The following ZYG11B variants were observed in gnomAD, a reference collection of about 807,000 sequenced individuals.
The protein encoded by ZYG11B is zyg-11 family member B, cell cycle regulator.
In ZYG11B, 36 loss-of-function variants were observed where a neutral mutation model predicts 82.4. The observed-to-expected ratio is 0.44, with a 90% confidence interval of 0.33 to 0.58. ZYG11B has a LOEUF of 0.58. ZYG11B is among the 20% of genes least tolerant of loss of function. ZYG11B has a pLI of 0.02. For synonymous variants in ZYG11B, 303 were observed against 312.8 expected, an observed-to-expected ratio of 0.97 and a Z score of 0.33; for missense variants, 552 against 895.6, an observed-to-expected ratio of 0.62 and a Z score of 4.90.
chr1:52,737,097 G>A (rs989796755), intron 1 of ZYG11B, among the ~76,000 whole-genome samples: 6 of 151,464 alleles, frequency 4.0e-5, no homozygotes, highest in African/African-American at 1.5e-4. Context: ...AGCCAGGCTG[G>A]TCTCTAACTC....
At position 52,726,472 on chromosome 1, in the gene ZYG11B, G is replaced by GGGCTGC. The variant is rs879654681; in HGVS notation, c.-157_-152dup. 4.1e-3 allele frequency: 2,161 copies of GGGCTGC among 529,478 alleles called. 19 individuals carry two copies. The highest frequency in any genetic ancestry group is 0.018 in the East Asian group (491 of 26,606). 32.8% of individuals were successfully genotyped at this position (529,478 alleles called of 1,614,324 possible). The stretch of plus-strand genomic sequence containing the variant: ...GGGGGCGGAGTCTGCGCTCTGGTTC[G>GGGCTGC]GGCTGCGGCTGCGGCTGCGGCTGCG... On this transcript the variant is annotated 5_prime_UTR_variant, in exon 1 of 14. Transcript: ENST00000294353.
At chr1:52,799,625 C>T (rs1442536490) in intron 8 of ZYG11B, among the ~76,000 whole-genome samples, 1 of 151,554 alleles carries the variant, frequency 6.6e-6, no homozygotes, top group Admixed American at 6.6e-5. Context: ...GAAACCCCAT[C>T]TCTACTTAAA....
intron 2 of ZYG11B, among the ~76,000 whole-genome samples, chr1:52,770,093 T>TATATATA (rs386366954): frequency 5.3e-4 from 30 of 56,428 alleles, no homozygotes; most frequent in Non-Finnish European, 7.3e-4. Context: ...TATATATATA[T>TATATATA]TTTTTTTTTT....
intron 13 of ZYG11B, among the ~76,000 whole-genome samples, chr1:52,819,572 A>G (rs143709401): frequency 0.019 from 2,859 of 152,060 alleles, 33 homozygotes; most frequent in Non-Finnish European, 0.03. Flanking sequence ...TGGATCACGA[A>G]GTCAGGAGAT....
intron 1 of ZYG11B, among the ~76,000 whole-genome samples, chr1:52,753,366 C>T (rs1336727745): frequency 6.6e-6 from 1 of 151,828 alleles, no homozygotes; most frequent in African/African-American, 2.4e-5. Flanking sequence ...ATTTTTTCTC[C>T]CATCAGCAAT....
intron 1 of ZYG11B, among the ~76,000 whole-genome samples, chr1:52,747,587 TTC>T (rs1553258135): frequency 6.6e-6 from 1 of 152,074 alleles, no homozygotes; most frequent in South Asian, 2.1e-4. Flanking sequence ...TCTTTTTTTT[TTC>T]TCTCTCTCGT....
intron 2 of ZYG11B, among the ~76,000 whole-genome samples, chr1:52,762,784 G>A (rs1352169454): frequency 6.6e-6 from 1 of 151,896 alleles, no homozygotes; most frequent in Non-Finnish European, 1.5e-5. Context: ...GTTTCACCAT[G>A]TTGGTCAGGT....
intron 6 of ZYG11B, among the ~76,000 whole-genome samples, chr1:52,792,309 C>CA (rs1365369535): frequency 3.3e-5 from 5 of 152,110 alleles, no homozygotes; most frequent in Non-Finnish European, 7.4e-5. Context: ...ATTGTGCCCC[C>CA]ACACAAGGAA....
At chr1:52,767,241 TA>T (rs1644704524) in intron 2 of ZYG11B, among the ~76,000 whole-genome samples, 2 of 151,848 alleles carry the variant, frequency 1.3e-5, no homozygotes, top group South Asian at 4.1e-4. Context: ...TATTTTATTT[TA>T]TGTTGTTATT....
chr1:52,780,392 G>A (rs935684821), intron 4 of ZYG11B, among the ~76,000 whole-genome samples: 1 of 152,054 alleles, frequency 6.6e-6, no homozygotes. Flanking sequence ...GTTCATGCCT[G>A]TAATCCTAGC....
chr1:52,746,050 T>A (rs1170244174), intron 1 of ZYG11B, among the ~76,000 whole-genome samples: 1 of 149,842 alleles, frequency 6.7e-6, no homozygotes, highest in Non-Finnish European at 1.5e-5. Context: ...AACCTCCACC[T>A]CCTGGGTTCA....
chr1:52,783,993 T>TAGAGAGAGAGAG lies in ZYG11B; in HGVS notation c.1093-883_1093-882insGAGAGAGAGAGA, dbSNP rs1340249345. On this transcript the variant is annotated intron_variant, in intron 4 of 13. Coordinates refer to ENST00000294353, the MANE Select transcript of ZYG11B (RefSeq NM_024646.3). ...ATATACACACACACACACATATATA[T>TAGAGAGAGAGAG]ATATAGAGAGAGAGAGAGATGGAGT... 2.2e-5 allele frequency among the ~76,000 whole-genome samples: 3 copies of TAGAGAGAGAGAG among 136,848 alleles called. No homozygotes were observed. In the South Asian group the frequency reaches 6.8e-4, roughly 31 times the overall value. The allele number at this position is 136,848 out of a possible 152,430, so 89.8% of individuals were successfully genotyped here.
At chr1:52,776,420 G>C (rs1261097959) in intron 3 of ZYG11B, among the ~76,000 whole-genome samples, 13 of 149,282 alleles carry the variant, frequency 8.7e-5, no homozygotes, top group Non-Finnish European at 1.8e-4. Context: ...TGTTGTCCCA[G>C]TTACTTAGGA....
chr1:52,740,845 G>A (rs1307395246), intron 1 of ZYG11B, among the ~76,000 whole-genome samples: 5 of 149,924 alleles, frequency 3.3e-5, no homozygotes, highest in Non-Finnish European at 7.4e-5. Flanking sequence ...GATTACAGGT[G>A]TGAGCCACTG....
chr1:52,773,631 T>A (rs866367570), intron 3 of ZYG11B, among the ~76,000 whole-genome samples: 403 of 13,084 alleles, frequency 0.031, no homozygotes, highest in Middle Eastern at 0.062. Context: ...ATATATATTT[T>A]TTTTTTTTTT....
rs778157317 is a variant in ZYG11B at position 52,783,961 on chromosome 1, TAC to T, written c.1093-910_1093-909del. Among the ~76,000 whole-genome samples, 7 of 115,448 alleles carry T rather than the reference TAC, an allele frequency of 6.1e-5. No individual in the cohort carries two copies. In the East Asian group the frequency reaches 2.1e-3, roughly 34 times the overall value. The allele number at this position is 115,448 out of a possible 152,430, so 75.7% of individuals were successfully genotyped here. ...CTATACATATATGTATATATACACA[TAC>T]ACACATATACACACACACACACATA... On this transcript the variant is annotated intron_variant, in intron 4 of 13. Transcript: ENST00000294353.
chr1:52,803,229 CAT>C lies in ZYG11B; in HGVS notation c.1695+1100_1695+1101del, dbSNP rs200187664. On this transcript the variant is annotated intron_variant, in intron 10 of 13. Coordinates refer to ENST00000294353, the MANE Select transcript of ZYG11B (RefSeq NM_024646.3). ...ACACACACATATATATATATACACA[CAT>C]ATATATATACACACACACATATATA... Among the ~76,000 whole-genome samples, 90 of 65,158 alleles carry C rather than the reference CAT, an allele frequency of 1.4e-3. 8 individuals carry two copies. Among genetic ancestry groups the C allele is most frequent in the South Asian group, 3.8e-3 (10 of 2,612 alleles). 42.7% of individuals were successfully genotyped at this position (65,158 alleles called of 152,430 possible).
intron 5 of ZYG11B, among the ~76,000 whole-genome samples, chr1:52,787,156 C>A (rs1288657387): frequency 1.3e-5 from 2 of 151,948 alleles, no homozygotes; most frequent in African/African-American, 4.8e-5. Context: ...TTGGAAACAC[C>A]AAACACCAAA....
At chr1:52,743,211 G>A (rs536950487) in intron 1 of ZYG11B, among the ~76,000 whole-genome samples, 3 of 151,796 alleles carry the variant, frequency 2.0e-5, no homozygotes, top group Non-Finnish European at 4.4e-5. Context: ...TCTGAGATTA[G>A]GGAGTCATCA....
Sources: gnomAD v4.1 joint callset for allele counts (sites outside exome capture counted in the v4.1 genomes callset) on GRCh38, gnomAD v4.1.1 for gene constraint, MANE v1.5 for transcripts, NCBI Gene and HGNC (gene_info 2026-07-23, HGNC 2026-07-21) for gene names.